MYO1E: variants seen among roughly 807,000 people sequenced by gnomAD.
MYO1E encodes the protein myosin IE.
MYO1E carries 68 observed loss-of-function variants against 151.1 expected under a neutral mutation model. That is an observed-to-expected ratio of 0.45 (90% CI 0.37 to 0.55). MYO1E has a LOEUF of 0.55. Among genes scored for constraint, MYO1E ranks in the 20% least tolerant of loss-of-function variants. The pLI, the probability that MYO1E is intolerant of heterozygous loss-of-function variation, is 0.00. For missense variants in MYO1E, 1,363 were observed against 1,389.3 expected, an observed-to-expected ratio of 0.98 and a Z score of 0.30; for synonymous variants, 601 against 501.7, an observed-to-expected ratio of 1.20 and a Z score of -2.64.
At chr15:59,195,668 G>GA in intron 16 of MYO1E, 101 bp from the exon 17 acceptor site, 1 of 1,115,852 alleles carries the variant, frequency 9.0e-7, no homozygotes, top group Middle Eastern at 2.0e-4. Flanking sequence ...ACATAGCTAG[G>GA]AATTAATCTT....
At chr15:59,140,036 C>T (rs2079400094) in intron 26 of MYO1E, among the ~76,000 whole-genome samples, 1 of 151,764 alleles carries the variant, frequency 6.6e-6, no homozygotes, top group South Asian at 2.1e-4. Context: ...AACATCTGCA[C>T]TACTGACATT....
chr15:59,143,333 G>A (rs552361558), intron 26 of MYO1E, among the ~76,000 whole-genome samples: 2 of 152,176 alleles, frequency 1.3e-5, no homozygotes, highest in Admixed American at 6.5e-5. Flanking sequence ...ACTGTCTGAT[G>A]GCAGCCGGGA....
In MYO1E at chr15:59,184,581, G is replaced by A. The variant is rs567854620; in HGVS notation, c.1904+3537C>T. ...TCACCACGTTGGCCAGGCTGATCTC[G>A]AACTTGTGATCTCAAGTGATCTGCC... On this transcript the variant is annotated intron_variant, in intron 18 of 27. Transcript: ENST00000288235. Among the ~76,000 whole-genome samples, 68 of 151,372 alleles carry A rather than the reference G, an allele frequency of 4.5e-4. No individual in the cohort carries two copies. In the South Asian group the frequency reaches 6.7e-3, roughly 15 times the overall value.
intron 12 of MYO1E, among the ~76,000 whole-genome samples, chr15:59,211,546 G>T (rs1303033490): frequency 4.6e-5 from 7 of 152,066 alleles, no homozygotes; most frequent in Non-Finnish European, 1.0e-4. Context: ...TCGCCACGGG[G>T]TTCCAGACTC....
chr15:59,257,505 C>T (rs2080200465), intron 3 of MYO1E, among the ~76,000 whole-genome samples: 1 of 151,932 alleles, frequency 6.6e-6, no homozygotes, highest in Non-Finnish European at 1.5e-5. Context: ...GAGTGATATA[C>T]AAAGGTGAAG....
chr15:59,222,368 T>C (rs1260057574), intron 9 of MYO1E, among the ~76,000 whole-genome samples: 2 of 152,216 alleles, frequency 1.3e-5, no homozygotes, highest in Non-Finnish European at 2.9e-5. Context: ...GCTAAAGTCA[T>C]GTGCCGCTGT....
At chr15:59,219,913 T>G (rs2079943362) in intron 9 of MYO1E, among the ~76,000 whole-genome samples, 1 of 152,220 alleles carries the variant, frequency 6.6e-6, no homozygotes, top group Non-Finnish European at 1.5e-5. Context: ...AGAAGCATTC[T>G]GAGAAACTTC....
At chr15:59,273,460 G>A (rs909200036) in intron 1 of MYO1E, among the ~76,000 whole-genome samples, 11 of 152,130 alleles carry the variant, frequency 7.2e-5, no homozygotes, top group South Asian at 2.1e-4. Flanking sequence ...GATAATGATG[G>A]AATAAAGTGA....
intron 13 of MYO1E, 169 bp from the exon 14 acceptor site, chr15:59,209,017 T>C: frequency 1.3e-6 from 1 of 794,556 alleles, no homozygotes; most frequent in Non-Finnish European, 2.1e-6. Flanking sequence ...AAATAGGGAG[T>C]CACCACTTAG....
Position 59,222,776 on chromosome 15 carries a change from G to A in MYO1E, c.910+283C>T, listed in dbSNP as rs114423310. 5.0e-3 allele frequency among the ~76,000 whole-genome samples: 759 copies of A among 152,232 alleles called. 7 individuals carry two copies. The highest frequency in any genetic ancestry group is 0.017 in the African/African-American group (725 of 41,542). ...AGAGATCACTTTATCTTTAAACCAA[G>A]GTGTGAAATCCTCCCAGCTTTCCCC... On this transcript the variant is annotated intron_variant, in intron 9 of 27. Coordinates refer to ENST00000288235, the MANE Select transcript of MYO1E (RefSeq NM_004998.4).
chr15:59,206,335 T>C (rs1308674616), intron 14 of MYO1E, among the ~76,000 whole-genome samples: 18 of 152,212 alleles, frequency 1.2e-4, no homozygotes, highest in Non-Finnish European at 1.9e-4. Flanking sequence ...GATTTAGTGC[T>C]GGAGTGACTC....
chr15:59,168,457 G>T (rs534367625), intron 22 of MYO1E, among the ~76,000 whole-genome samples: 1 of 152,046 alleles, frequency 6.6e-6, no homozygotes, highest in African/African-American at 2.4e-5. Context: ...GAGGTGGGAG[G>T]ATTGCTTGAA....
At chr15:59,285,720 G>GA (rs2080384046) in intron 1 of MYO1E, among the ~76,000 whole-genome samples, 1 of 152,014 alleles carries the variant, frequency 6.6e-6, no homozygotes, top group Admixed American at 6.6e-5. Context: ...AAATAAAAGT[G>GA]AAAAAAATTT....
rs986940914 is a variant in MYO1E at position 59,195,390 on chromosome 15, G to T, written c.1805+71C>A. 276 of 1,334,282 alleles carry T rather than the reference G, an allele frequency of 2.1e-4. 1 individual carries two copies. Among genetic ancestry groups the T allele is most frequent in the Non-Finnish European group, 2.7e-4 (253 of 925,804 alleles). The allele number at this position is 1,334,282 out of a possible 1,614,324, so 82.7% of individuals were successfully genotyped here. The stretch of plus-strand genomic sequence containing the variant: ...GACAACTGACACTGCTCCTGCCTGT[G>T]ATGGAGGACGGCTCATCTTGAGCAG... On this transcript the variant is annotated intron_variant, in intron 17 of 27. Transcript: ENST00000288235.
At chr15:59,162,767 T>A (rs1337292096) in intron 23 of MYO1E, among the ~76,000 whole-genome samples, 4 of 152,086 alleles carry the variant, frequency 2.6e-5, no homozygotes, top group African/African-American at 9.7e-5. Flanking sequence ...TATTATGCAT[T>A]GGTTTGGGGA....
intron 17 of MYO1E, among the ~76,000 whole-genome samples, chr15:59,190,063 T>C (rs1233767374): frequency 6.6e-6 from 1 of 152,222 alleles, no homozygotes; most frequent in Non-Finnish European, 1.5e-5. Context: ...ACCCACCACT[T>C]GCTGGAAAAC....
intron 7 of MYO1E, 42 bp downstream of exon 7, chr15:59,227,417 G>C (rs780834862): frequency 6.2e-7 from 1 of 1,611,382 alleles, no homozygotes; most frequent in African/African-American, 1.3e-5. Flanking sequence ...TTAATGTAGA[G>C]AAGGGACAGG....
intron 7 of MYO1E, 33 bp from the exon 8 acceptor site, chr15:59,224,856 G>A: frequency 2.5e-6 from 4 of 1,614,030 alleles, no homozygotes; most frequent in Middle Eastern, 1.7e-4. Flanking sequence ...GAGCCATGAT[G>A]TGGACCACAA....
chr15:59,195,402 C>T, intron 17 of MYO1E, 59 bp downstream of exon 17: 1 of 1,430,674 alleles, frequency 7.0e-7, no homozygotes, highest in Non-Finnish European at 9.9e-7. Context: ...TGGAGGACGG[C>T]TCATCTTGAG....
Sources: allele counts gnomAD v4.1 joint callset (sites outside exome capture counted in the v4.1 genomes callset), GRCh38; gene constraint gnomAD v4.1.1; transcripts MANE v1.5; gene names NCBI Gene and HGNC (gene_info 2026-07-23, HGNC 2026-07-21).